Variants in CAMK1D observed in about 807,000 individuals in gnomAD.
CAMK1D encodes calcium/calmodulin dependent protein kinase ID.
A neutral mutation model predicts 47.7 loss-of-function variants in CAMK1D; 9 were observed. The ratio of observed to expected loss-of-function variants is 0.19; its 90% CI spans 0.11 to 0.33. The LOEUF (loss-of-function observed/expected upper bound fraction) is 0.33, where lower values mean the gene tolerates loss of function less well. CAMK1D is among the 10% of genes least tolerant of loss of function. CAMK1D has a pLI of 1.00. For synonymous variants in CAMK1D, 184 were observed against 184.9 expected (o/e 0.99, Z 0.04); for missense variants, 291 against 488.7 (o/e 0.60, Z 3.81).
intron 3 of CAMK1D, among the ~76,000 whole-genome samples, chr10:12,685,536 GT>G (rs1832626336): frequency 6.6e-6 from 1 of 152,184 alleles, no homozygotes; most frequent in South Asian, 2.1e-4. Flanking sequence ...TTCCTAAGAA[GT>G]ACGACTTGCT....
intron 3 of CAMK1D, among the ~76,000 whole-genome samples, chr10:12,735,420 G>T (rs1484261709): frequency 2.0e-5 from 3 of 152,222 alleles, no homozygotes; most frequent in Non-Finnish European, 4.4e-5. Flanking sequence ...GGAGCCTGCA[G>T]TGAGCCGAGA....
At chr10:12,708,935 C>G (rs1208594726) in intron 3 of CAMK1D, among the ~76,000 whole-genome samples, 2 of 152,214 alleles carry the variant, frequency 1.3e-5, no homozygotes, top group East Asian at 3.8e-4. Flanking sequence ...GCCACCACGC[C>G]CGACCCGGAG....
chr10:12,652,524 C>T (rs903995419), intron 2 of CAMK1D, among the ~76,000 whole-genome samples: 1 of 151,574 alleles, frequency 6.6e-6, no homozygotes, highest in Admixed American at 6.6e-5. Flanking sequence ...CGAGGCGGAG[C>T]TTGCAGTGAG....
chr10:12,621,222 C>T (rs2132439238), intron 2 of CAMK1D, among the ~76,000 whole-genome samples: 1 of 139,166 alleles, frequency 7.2e-6, no homozygotes, highest in South Asian at 2.2e-4. Flanking sequence ...AGTCTTATTC[C>T]TCCCACTGTT....
chr10:12,697,834 G>A (rs1424043710), intron 3 of CAMK1D, among the ~76,000 whole-genome samples: 2 of 152,228 alleles, frequency 1.3e-5, no homozygotes, highest in African/African-American at 2.4e-5. Context: ...AGGGTCTGGA[G>A]TAGAGGCTGT....
chr10:12,643,777 A>G (rs1016947163), intron 2 of CAMK1D, among the ~76,000 whole-genome samples: 2 of 151,774 alleles, frequency 1.3e-5, no homozygotes, highest in African/African-American at 4.8e-5. Context: ...CCAGCTACTC[A>G]GGTGGCTGAG....
chr10:12,670,238 C>A (rs929953126), intron 3 of CAMK1D, among the ~76,000 whole-genome samples: 1 of 147,040 alleles, frequency 6.8e-6, no homozygotes, highest in African/African-American at 2.5e-5. Flanking sequence ...GTAGTGATAT[C>A]ACAGGGTGGT....
At chr10:12,699,953 C>T (rs896012800) in intron 3 of CAMK1D, among the ~76,000 whole-genome samples, 4 of 152,022 alleles carry the variant, frequency 2.6e-5, no homozygotes, top group Non-Finnish European at 5.9e-5. Flanking sequence ...AAACTAGATC[C>T]TGTCTAAACA....
At chr10:12,349,979 C>T in intron 1 of CAMK1D, 69 bp downstream of exon 1, 1 of 763,734 alleles carries the variant, frequency 1.3e-6, no homozygotes, top group Non-Finnish European at 1.9e-6. Context: ...GCTCCAGCTG[C>T]CGCCGCCGCC....
rs145363908 is a variant in CAMK1D at position 12,617,612 on chromosome 10, C to T, written c.225-49124C>T. The stretch of plus-strand genomic sequence containing the variant: ...GAGAAGTAATTTTCTGTCCCACCTG[C>T]ATCTGTTTTCTGGCCTTGGGACCAA... On this transcript the variant is annotated intron_variant, in intron 2 of 10. Coordinates refer to ENST00000619168, the MANE Select transcript of CAMK1D (RefSeq NM_153498.4). 4.6e-4 allele frequency among the ~76,000 whole-genome samples: 70 copies of T among 152,326 alleles called. No homozygotes were observed. The East Asian group carries it at 0.013, about 29-fold the overall frequency.
chr10:12,699,301 G>A (rs997140061), intron 3 of CAMK1D, among the ~76,000 whole-genome samples: 1 of 152,162 alleles, frequency 6.6e-6, no homozygotes, highest in East Asian at 1.9e-4. Flanking sequence ...TGACCGGTCT[G>A]CTTTTGCTGT....
intron 1 of CAMK1D, among the ~76,000 whole-genome samples, chr10:12,493,014 G>A (rs1834432338): frequency 5.9e-5 from 9 of 152,218 alleles, no homozygotes; most frequent in Admixed American, 4.6e-4. Flanking sequence ...GGAAGGTGCA[G>A]GGTACTTTTA....
intron 9 of CAMK1D, among the ~76,000 whole-genome samples, 174 bp from the exon 10 acceptor site, chr10:12,825,395 TAATA>T (rs746771258): frequency 2.5e-4 from 38 of 152,132 alleles, no homozygotes; most frequent in Non-Finnish European, 5.0e-4. Flanking sequence ...GGAAAGGGGT[TAATA>T]AATCAGTGCA....
intron 5 of CAMK1D, among the ~76,000 whole-genome samples, chr10:12,772,172 C>T (rs887610501): frequency 3.9e-5 from 6 of 151,918 alleles, no homozygotes; most frequent in African/African-American, 9.7e-5. Context: ...GGGGTGGTGA[C>T]GGGAGGAAAG....
At chr10:12,421,322 A>T (rs572222738) in intron 1 of CAMK1D, among the ~76,000 whole-genome samples, 1 of 151,992 alleles carries the variant, frequency 6.6e-6, no homozygotes, top group African/African-American at 2.4e-5. Flanking sequence ...CGGCGGTCAC[A>T]GTGTGTGTGG....
intron 2 of CAMK1D, among the ~76,000 whole-genome samples, chr10:12,652,073 C>T (rs1033234765): frequency 2.6e-5 from 4 of 151,992 alleles, no homozygotes; most frequent in South Asian, 2.1e-4. Flanking sequence ...CCACCGCGCC[C>T]GGCCGGAAAT....
chr10:12,489,388 A>AG (rs1472201816), intron 1 of CAMK1D, among the ~76,000 whole-genome samples: 1 of 152,190 alleles, frequency 6.6e-6, no homozygotes, highest in East Asian at 1.9e-4. Flanking sequence ...GAGGCTCAAG[A>AG]GGGAGGGAAG....
rs973947060 is a variant in CAMK1D, at chr10:12,816,286, C to T, written c.791C>T (p.Pro264Leu). The change falls in exon 8 of 11, where the codon CCG (proline) becomes CTG (leucine). Residue 264 changes from proline to leucine, a missense_variant. By Grantham distance (98) the Pro-to-Leu change is moderately conservative (BLOSUM62 -3). This residue lies in a region of CAMK1D where 219 missense variants were observed against 424.3 expected (regional missense o/e 0.52). Transcript: ENST00000619168. ...DFIRNLMEKDPNKRYTCEQAA... is the reference protein window; with the variant it reads ...DFIRNLMEKDLNKRYTCEQAA... ...ATTCGGAACCTGATGGAGAAGGACC[C>T]GAATAAAAGATACACGTGTGAGCAG... 6.2e-7 allele frequency: 1 copy of T among 1,613,634 alleles called. No individual in the cohort carries two copies. The highest frequency in any genetic ancestry group is 8.5e-7 in the Non-Finnish European group (1 of 1,179,804).
chr10:12,549,332 T>G (rs1836504447), intron 1 of CAMK1D, among the ~76,000 whole-genome samples: 1 of 152,246 alleles, frequency 6.6e-6, no homozygotes, highest in Non-Finnish European at 1.5e-5. Flanking sequence ...TTGTATCTGA[T>G]TTATTTCCTT....
Sources: allele counts gnomAD v4.1 joint callset (sites outside exome capture counted in the v4.1 genomes callset), GRCh38; gene constraint gnomAD v4.1.1; regional missense constraint gnomAD v4.1.1; transcripts MANE v1.5; gene names NCBI Gene and HGNC (gene_info 2026-07-23, HGNC 2026-07-21).